The following TAFA2 variants were observed in gnomAD, a reference collection of about 807,000 sequenced individuals.
TAFA2 encodes the protein chemokine-like protein TAFA-2.
Under a neutral mutation model 18.8 loss-of-function variants are expected in TAFA2, and 7 were observed. The observed-to-expected ratio is 0.37, with a 90% CI of 0.21 to 0.70. The LOEUF is 0.70. Among genes scored for constraint, TAFA2 ranks in the 30% least tolerant of loss-of-function variants. The pLI is 0.53. For synonymous variants in TAFA2, 60 were observed against 54.2 expected, an observed-to-expected ratio of 1.11 and a Z score of -0.47; for missense variants, 122 against 158.1, an observed-to-expected ratio of 0.77 and a Z score of 1.23.
intron 1 of TAFA2, among the ~76,000 whole-genome samples, chr12:62,122,160 A>G (rs1870225970): frequency 6.6e-6 from 1 of 152,188 alleles, no homozygotes; most frequent in Non-Finnish European, 1.5e-5. Context: ...CCTGCACAAC[A>G]AATCCCCATG....
chr12:62,228,166 T>C (rs2062796117), intron 1 of TAFA2, among the ~76,000 whole-genome samples: 1 of 152,184 alleles, frequency 6.6e-6, no homozygotes, highest in Admixed American at 6.5e-5. Flanking sequence ...AGGTAGTTTT[T>C]CAACCCTTTC....
intron 1 of TAFA2, among the ~76,000 whole-genome samples, chr12:62,038,994 C>A (rs1881685946): frequency 6.6e-6 from 1 of 152,160 alleles, no homozygotes; most frequent in African/African-American, 2.4e-5. Flanking sequence ...TGCTCCTTTG[C>A]AACATCTGCC....
chr12:61,991,085 T>C (rs1454936131), intron 1 of TAFA2, among the ~76,000 whole-genome samples: 1 of 152,204 alleles, frequency 6.6e-6, no homozygotes, highest in Non-Finnish European at 1.5e-5. Context: ...TACTTTATGC[T>C]CTTTTCTGGA....
chr12:62,206,464 T>G (rs1432975342), intron 1 of TAFA2, among the ~76,000 whole-genome samples: 1 of 152,234 alleles, frequency 6.6e-6, no homozygotes, highest in Non-Finnish European at 1.5e-5. Context: ...ATTCCAATGC[T>G]TTATTTTACA....
At chr12:61,882,341 C>A (rs1875184440) in intron 1 of TAFA2, among the ~76,000 whole-genome samples, 1 of 152,124 alleles carries the variant, frequency 6.6e-6, no homozygotes, top group Non-Finnish European at 1.5e-5. Flanking sequence ...GGGAGAAAAA[C>A]ACTGGAGGAA....
chr12:61,806,585 G>A (rs558774831), intron 2 of TAFA2, among the ~76,000 whole-genome samples: 62 of 152,320 alleles, frequency 4.1e-4, no homozygotes, highest in African/African-American at 1.4e-3. Flanking sequence ...GTAACAGCAC[G>A]GGGTAGAATT....
intron 1 of TAFA2, among the ~76,000 whole-genome samples, chr12:61,881,278 T>C (rs76981930): frequency 0.032 from 4,860 of 152,230 alleles, 98 homozygotes; most frequent in Admixed American, 0.057. Flanking sequence ...AAATGCATCA[T>C]TGGGCAATTT....
At chr12:61,762,361 T>C (rs1372587640) in intron 2 of TAFA2, among the ~76,000 whole-genome samples, 2 of 151,838 alleles carry the variant, frequency 1.3e-5, no homozygotes, top group Non-Finnish European at 2.9e-5. Flanking sequence ...ACCTATACTA[T>C]ATGTGAATAA....
intron 1 of TAFA2, among the ~76,000 whole-genome samples, chr12:62,246,233 G>A (rs916606514): frequency 6.6e-6 from 1 of 152,104 alleles, no homozygotes. Context: ...TGATCTGCCC[G>A]CCTGGGCCTC....
At chr12:61,748,313 G>T (rs551959376) in intron 4 of TAFA2, among the ~76,000 whole-genome samples, 1 of 152,058 alleles carries the variant, frequency 6.6e-6, no homozygotes, top group Non-Finnish European at 1.5e-5. Flanking sequence ...TTAGAAAAAC[G>T]CTAAAGGTCA....
Position 61,903,036 on chromosome 12 carries a change from A to G in TAFA2, c.-1-35610T>C, listed in dbSNP as rs116292894. Among the ~76,000 whole-genome samples, 1,226 of 152,184 alleles carry G rather than the reference A, an allele frequency of 8.1e-3. 15 individuals carry two copies. Among genetic ancestry groups the G allele is most frequent in the African/African-American group, 0.028 (1,167 of 41,516 alleles). On this transcript the variant is annotated intron_variant, in intron 1 of 4. Coordinates refer to ENST00000416284, the MANE Select transcript of TAFA2 (RefSeq NM_178539.5). ...TTGCCCAACGCTGACCTTCACTTCAACAATGAACTCCTATCTGATCTCTCT... is the reference window on the plus strand; with the variant it reads ...TTGCCCAACGCTGACCTTCACTTCAGCAATGAACTCCTATCTGATCTCTCT...
At chr12:62,088,614 T>TAAAAAAAA (rs139428735) in intron 1 of TAFA2, among the ~76,000 whole-genome samples, 1 of 104,478 alleles carries the variant, frequency 9.6e-6, no homozygotes. Flanking sequence ...TGGACCACAT[T>TAAAAAAAA]AAAAAAAAAA....
chr12:61,942,182 A>C (rs1229613232), intron 1 of TAFA2, among the ~76,000 whole-genome samples: 1 of 141,242 alleles, frequency 7.1e-6, no homozygotes, highest in Non-Finnish European at 1.5e-5. Context: ...GGCACCCCCC[A>C]GCAGGGGCAC....
chr12:62,054,296 TTTAG>T (rs1167446894), intron 1 of TAFA2, among the ~76,000 whole-genome samples: 3 of 152,358 alleles, frequency 2.0e-5, no homozygotes, highest in Non-Finnish European at 4.4e-5. Flanking sequence ...CTGAAAAGTT[TTTAG>T]TTAGTCTTTT....
chr12:62,065,729 T>C (rs1882468350), intron 1 of TAFA2, among the ~76,000 whole-genome samples: 1 of 151,684 alleles, frequency 6.6e-6, no homozygotes, highest in Admixed American at 6.6e-5. Flanking sequence ...TGTGTGTGTG[T>C]GTTTACTGAT....
At chr12:62,194,338 C>G (rs1487919975), upstream of TAFA2, among the ~76,000 whole-genome samples, 185 of 124,290 alleles carry the variant, frequency 1.5e-3, 2 homozygotes, top group South Asian at 2.8e-4. Flanking sequence ...TACAAAAAAA[C>G]ATAAAGCATA....
intron 1 of TAFA2, among the ~76,000 whole-genome samples, chr12:61,877,899 A>ATT (rs66981623): frequency 6.8e-6 from 1 of 146,862 alleles, no homozygotes; most frequent in South Asian, 2.2e-4. Context: ...ACAAATTGTG[A>ATT]TTTTTATATA....
At position 62,058,088 on chromosome 12, in the gene TAFA2, T is replaced by C. The variant is rs1409991068; in HGVS notation, c.-2+133171A>G. ...AATATAAAATTGAAGCTAGACATTGTTTTCTTTTAATAATTTAAGATATTA... is the reference window on the plus strand; with the variant it reads ...AATATAAAATTGAAGCTAGACATTGCTTTCTTTTAATAATTTAAGATATTA... On this transcript the variant is annotated intron_variant, in intron 1 of 4. Transcript: ENST00000416284. Among the ~76,000 whole-genome samples, 3 of 152,204 alleles carry C rather than the reference T, an allele frequency of 2.0e-5. No individual in the cohort carries two copies. The East Asian group carries it at 5.8e-4, about 29-fold the overall frequency.
intron 1 of TAFA2, among the ~76,000 whole-genome samples, chr12:61,949,477 A>C (rs915275851): frequency 2.0e-5 from 3 of 152,108 alleles, no homozygotes; most frequent in Non-Finnish European, 4.4e-5. Context: ...TAGATAACAG[A>C]CAGCCAGTCA....
Sources: allele counts gnomAD v4.1 joint callset (sites outside exome capture counted in the v4.1 genomes callset), GRCh38; gene constraint gnomAD v4.1.1; transcripts MANE v1.5; gene names NCBI Gene and HGNC (gene_info 2026-07-23, HGNC 2026-07-21).